ERBB4: variants seen among roughly 807,000 people sequenced by gnomAD.
ERBB4 encodes the protein erb-b2 receptor tyrosine kinase 4, also known as receptor tyrosine-protein kinase erbB-4.
In ERBB4, 42 loss-of-function variants were observed where a neutral mutation model predicts 158.0. That is an observed-to-expected ratio of 0.27 (90% CI 0.21 to 0.34). The LOEUF is 0.34. Among genes scored for constraint, ERBB4 ranks in the 10% least tolerant of loss-of-function variants. ERBB4 has a pLI of 1.00. For missense variants in ERBB4, 1,333 were observed against 1,624.1 expected (o/e 0.82, Z 3.08); for synonymous variants, 583 against 558.7 (o/e 1.04, Z -0.61).
At chr2:211,955,915 T>G (rs571839070) in intron 2 of ERBB4, among the ~76,000 whole-genome samples, 1 of 152,236 alleles carries the variant, frequency 6.6e-6, no homozygotes, top group Admixed American at 6.6e-5. Flanking sequence ...TTTAACAGAT[T>G]ACACAAACTA....
At chr2:212,013,144 C>T (rs372419842) in intron 2 of ERBB4, among the ~76,000 whole-genome samples, 1 of 151,858 alleles carries the variant, frequency 6.6e-6, no homozygotes, top group African/African-American at 2.4e-5. Flanking sequence ...GCAATCTCCA[C>T]CTCCCAGGTT....
intron 16 of ERBB4, among the ~76,000 whole-genome samples, chr2:211,650,017 A>C (rs2070925589): frequency 6.6e-6 from 1 of 152,128 alleles, no homozygotes; most frequent in East Asian, 1.9e-4. Flanking sequence ...TGAGGTAATA[A>C]GAAAAAGGCA....
chr2:211,502,242 A>G (rs1451108253), intron 20 of ERBB4, among the ~76,000 whole-genome samples: 3 of 152,124 alleles, frequency 2.0e-5, no homozygotes, highest in Non-Finnish European at 4.4e-5. Flanking sequence ...CTCATAACAT[A>G]CTTCTATGGC....
chr2:212,233,016 T>C (rs1276983131), intron 1 of ERBB4, among the ~76,000 whole-genome samples: 1 of 152,200 alleles, frequency 6.6e-6, no homozygotes, highest in African/African-American at 2.4e-5. Flanking sequence ...CCTGAATGCA[T>C]TGAAAAGTCC....
chr2:212,273,637 T>A (rs1260985826), intron 1 of ERBB4, among the ~76,000 whole-genome samples: 1 of 151,816 alleles, frequency 6.6e-6, no homozygotes, highest in Non-Finnish European at 1.5e-5. Flanking sequence ...AAAAAAGTAA[T>A]CACTAATAAC....
intron 2 of ERBB4, among the ~76,000 whole-genome samples, chr2:212,118,481 A>G (rs1319155242): frequency 2.0e-5 from 3 of 152,202 alleles, no homozygotes; most frequent in Non-Finnish European, 4.4e-5. Context: ...ATGAAATAGT[A>G]TAGATCCTTT....
At chr2:211,559,004 C>T (rs2067313452) in intron 20 of ERBB4, among the ~76,000 whole-genome samples, 2 of 151,996 alleles carry the variant, frequency 1.3e-5, no homozygotes, top group Admixed American at 1.3e-4. Flanking sequence ...ATTTAACTAC[C>T]TCATTAACAT....
chr2:211,392,349 A>G (rs1158282416), intron 25 of ERBB4, among the ~76,000 whole-genome samples: 3 of 152,154 alleles, frequency 2.0e-5, no homozygotes, highest in African/African-American at 7.2e-5. Context: ...CAGGGCAATC[A>G]GAAGGAAACA....
At chr2:211,688,253 T>C (rs2072649675) in intron 12 of ERBB4, among the ~76,000 whole-genome samples, 1 of 152,212 alleles carries the variant, frequency 6.6e-6, no homozygotes, top group Admixed American at 6.5e-5. Flanking sequence ...CTGAAGGACT[T>C]CCTTTAATAT....
intron 20 of ERBB4, among the ~76,000 whole-genome samples, chr2:211,555,624 C>T (rs1279468176): frequency 1.3e-5 from 2 of 152,196 alleles, no homozygotes; most frequent in African/African-American, 2.4e-5. Flanking sequence ...CAGTGGACCT[C>T]TCAGCAGAAA....
Position 211,864,018 on chromosome 2 carries a change from T to C in ERBB4, c.422-75859A>G, listed in dbSNP as rs563499660. Among the ~76,000 whole-genome samples, 346 of 152,220 alleles carry C rather than the reference T, an allele frequency of 2.3e-3. 3 individuals are homozygous for C. Among genetic ancestry groups the C allele is most frequent in the African/African-American group, 8.2e-3 (341 of 41,546 alleles). On this transcript the variant is annotated intron_variant, in intron 3 of 27. Coordinates refer to ENST00000342788, the MANE Select transcript of ERBB4 (RefSeq NM_005235.3). ...TTGAGAGAGAAGCCAGAAGGTCCAGTCCTGCTGGCAGTAGCAAGGGGCCAA... is the reference window on the plus strand; with the variant it reads ...TTGAGAGAGAAGCCAGAAGGTCCAGCCCTGCTGGCAGTAGCAAGGGGCCAA...
chr2:211,719,793 T>C (rs2074036965), intron 7 of ERBB4, among the ~76,000 whole-genome samples: 1 of 149,546 alleles, frequency 6.7e-6, no homozygotes, highest in African/African-American at 2.5e-5. Flanking sequence ...ATGCAGAGGT[T>C]GCAGTGAGCC....
intron 1 of ERBB4, among the ~76,000 whole-genome samples, chr2:212,310,860 G>GT (rs921818087): frequency 1.4e-5 from 2 of 140,588 alleles, no homozygotes; most frequent in Non-Finnish European, 3.2e-5. Flanking sequence ...CATTTAAAAA[G>GT]TTAAAAAAAA....
chr2:211,562,038 C>T lies in ERBB4; in HGVS notation c.2352G>A (p.Leu784=), dbSNP rs777391147. ...SMDHPHLVRL[L]GVCLSPTIQL... ...GGATGGTTGGGCTCAGACACACACC[C>T]AGCAACCGGACTAGGTGTGGATGAT... The change falls in exon 20 of 28, where the codon CTG becomes CTA. Residue 784 remains leucine (L), a synonymous_variant. Coordinates refer to ENST00000342788, the MANE Select transcript of ERBB4 (RefSeq NM_005235.3). The T allele has an allele frequency of 1.2e-5, 20 of 1,614,068 alleles. No homozygotes were observed. The highest frequency in any genetic ancestry group is 3.3e-5 in the South Asian group (3 of 91,076).
intron 6 of ERBB4, among the ~76,000 whole-genome samples, chr2:211,723,130 G>A (rs1183160034): frequency 6.6e-6 from 1 of 152,144 alleles, no homozygotes; most frequent in Admixed American, 6.5e-5. Context: ...GTCATTTCTA[G>A]TATGGCTTTT....
At chr2:212,191,633 GCATGCTATATATAACACATGCGTTATA>G (rs879771220) in intron 1 of ERBB4, among the ~76,000 whole-genome samples, 1,617 of 76,790 alleles carry the variant, frequency 0.021, 183 homozygotes, top group African/African-American at 0.034. Flanking sequence ...CATGTGTTAT[GCATGCTATATATAACACATGCGTTATA>G]CATGTCATAT....
chr2:211,876,813 A>C (rs2078515322), intron 3 of ERBB4, among the ~76,000 whole-genome samples: 1 of 152,188 alleles, frequency 6.6e-6, no homozygotes, highest in African/African-American at 2.4e-5. Flanking sequence ...CCTTCATATA[A>C]ATTGTAATCA....
At chr2:212,241,064 G>T (rs1251941904) in intron 1 of ERBB4, among the ~76,000 whole-genome samples, 1 of 152,086 alleles carries the variant, frequency 6.6e-6, no homozygotes, top group Admixed American at 6.6e-5. Context: ...GAAATAACTA[G>T]AAATTAAACT....
intron 2 of ERBB4, among the ~76,000 whole-genome samples, chr2:212,112,338 C>A (rs1575649831): frequency 6.6e-6 from 1 of 152,034 alleles, no homozygotes; most frequent in African/African-American, 2.4e-5. Context: ...TTCCTTATAC[C>A]CACTGTCCCC....
Sources: gnomAD v4.1 joint callset for allele counts (sites outside exome capture counted in the v4.1 genomes callset) on GRCh38, gnomAD v4.1.1 for gene constraint, MANE v1.5 for transcripts, NCBI Gene and HGNC (gene_info 2026-07-23, HGNC 2026-07-21) for gene names.